MTCL2: variants seen among roughly 807,000 people sequenced by gnomAD.
MTCL2 encodes the protein microtubule crosslinking factor 2, also known as microtubule cross-linking factor 2.
the MTCL2 span, among the ~76,000 whole-genome samples, chr20:36,858,463 AACACACAC>A: frequency 0.025 from 612 of 24,736 alleles, 54 homozygotes; most frequent in East Asian, 0.036. Flanking sequence ...AAGGAGGGAA[AACACACAC>A]ACACACACAC....
the MTCL2 span, among the ~76,000 whole-genome samples, chr20:36,806,421 C>A: frequency 1.3e-5 from 2 of 152,184 alleles, no homozygotes; most frequent in Admixed American, 1.3e-4. Flanking sequence ...CAGGCGCGAG[C>A]CACCATGCCC....
the MTCL2 span, chr20:36,815,380 C>T: frequency 5.6e-6 from 9 of 1,613,454 alleles, no homozygotes; most frequent in Admixed American, 1.7e-5. This position sits in a 1 kb window ranked among gnomAD's most constrained non-coding sequence, Gnocchi z 5.3. Flanking sequence ...TCAGCACACT[C>T]GTTGTCCAGA....
At chr20:36,836,505 C>A in the MTCL2 span, among the ~76,000 whole-genome samples, 3 of 151,856 alleles carry the variant, frequency 2.0e-5, no homozygotes, top group Non-Finnish European at 4.4e-5. Flanking sequence ...CCACCACACC[C>A]GGCTCATTTT....
At chr20:36,786,494 G>C in the MTCL2 span, 11 of 1,538,932 alleles carry the variant, frequency 7.1e-6, no homozygotes, top group East Asian at 9.8e-5. Context: ...GTCACTCGCT[G>C]GGGGGGAGTG....
chr20:36,784,757 G>A, the MTCL2 span: 2 of 985,610 alleles, frequency 2.0e-6, no homozygotes, highest in African/African-American at 1.7e-5. Context: ...CAGAGCTGGG[G>A]CAGGGAGAAG....
the MTCL2 span, among the ~76,000 whole-genome samples, chr20:36,834,931 G>A: frequency 6.6e-6 from 1 of 151,948 alleles, no homozygotes; most frequent in East Asian, 1.9e-4. Context: ...GAACCCAGGA[G>A]GCAGAGGTTG....
chr20:36,810,071 C>A, the MTCL2 span: 3 of 1,598,826 alleles, frequency 1.9e-6, no homozygotes, highest in South Asian at 3.4e-5. Context: ...CGGAGGCTGT[C>A]GTGGGCCTCA....
chr20:36,794,857 C>T, the MTCL2 span: 350 of 519,514 alleles, frequency 6.7e-4, 2 homozygotes, highest in Non-Finnish European at 3.2e-4. The surrounding 1 kb of genome is among the most constrained non-coding windows in gnomAD (Gnocchi z 5.4). Context: ...CAGCCTCAAA[C>T]TCCTGGGCTC....
chr20:36,786,706 G>T, the MTCL2 span: 2 of 1,410,808 alleles, frequency 1.4e-6, no homozygotes, highest in African/African-American at 1.4e-5. Flanking sequence ...CATGAGCTGT[G>T]TGGTATGCCA....
At chr20:36,841,506 A>G in the MTCL2 span, among the ~76,000 whole-genome samples, 1 of 152,094 alleles carries the variant, frequency 6.6e-6, no homozygotes, top group African/African-American at 2.4e-5. Flanking sequence ...CAGCCGAGAA[A>G]GCTAGGGGGA....
At chr20:36,803,089 T>C in the MTCL2 span, 1 of 1,607,072 alleles carries the variant, frequency 6.2e-7, no homozygotes, top group Admixed American at 1.7e-5. Context: ...CCGGCCCCCT[T>C]CCCTGTCTTC....
At chr20:36,787,827 A>G in the MTCL2 span, among the ~76,000 whole-genome samples, 1 of 146,626 alleles carries the variant, frequency 6.8e-6, no homozygotes, top group Non-Finnish European at 1.5e-5. Context: ...CGGAGGTTGC[A>G]GTGAGCTGAG....
chr20:36,862,941 C>G, the MTCL2 span: 1 of 1,386,484 alleles, frequency 7.2e-7, no homozygotes, highest in Non-Finnish European at 9.4e-7. Context: ...CAGCTCCAGG[C>G]CCAGCAGGCG....
the MTCL2 span, among the ~76,000 whole-genome samples, chr20:36,800,078 T>C: frequency 2.6e-5 from 4 of 152,152 alleles, no homozygotes; most frequent in Non-Finnish European, 5.9e-5. Flanking sequence ...AGAATGCTGC[T>C]TTGGGGGATT....
At chr20:36,779,299 A>T in the MTCL2 span, 1 of 152,472 alleles carries the variant, frequency 6.6e-6, no homozygotes, top group Non-Finnish European at 1.5e-5. Flanking sequence ...AATGGAGAGG[A>T]TGGTTGGATA....
chr20:36,838,988 A>C, the MTCL2 span, among the ~76,000 whole-genome samples: 1 of 150,730 alleles, frequency 6.6e-6, no homozygotes, highest in Admixed American at 6.6e-5. Flanking sequence ...AAAAAAAAAC[A>C]GTAGCTGCTG....
the MTCL2 span, chr20:36,793,791 C>T: frequency 1.3e-6 from 2 of 1,540,808 alleles, no homozygotes; most frequent in Non-Finnish European, 1.7e-6. This position sits in a 1 kb window ranked among gnomAD's most constrained non-coding sequence, Gnocchi z 6.8. Context: ...CAGGGCCGCT[C>T]GATGCGCGAA....
At chr20:36,810,006 G>T in the MTCL2 span, 12 of 1,601,826 alleles carry the variant, frequency 7.5e-6, no homozygotes, top group East Asian at 2.7e-4. Flanking sequence ...GGTTGAAATT[G>T]TCGGCCTCCT....
chr20:36,814,964 G>T, the MTCL2 span, among the ~76,000 whole-genome samples: 1 of 151,566 alleles, frequency 6.6e-6, no homozygotes, highest in Non-Finnish European at 1.5e-5. Flanking sequence ...AGGAGAGTGA[G>T]GGGGGGAGAA....
Sources: allele counts gnomAD v4.1 joint callset (sites outside exome capture counted in the v4.1 genomes callset), GRCh38; gene constraint gnomAD v4.1.1; non-coding constraint Gnocchi (gnomAD v3.1); transcripts MANE v1.5; gene names NCBI Gene and HGNC (gene_info 2026-07-23, HGNC 2026-07-21).